Variants in RFTN1 observed in about 807,000 individuals in gnomAD.
RFTN1 encodes the protein raftlin.
Under a neutral mutation model 46.5 loss-of-function variants are expected in RFTN1, and 26 were observed. The ratio of observed to expected loss-of-function variants is 0.56; its 90% CI spans 0.41 to 0.78. The LOEUF (loss-of-function observed/expected upper bound fraction) is 0.78, where lower values mean the gene tolerates loss of function less well. Ranked by LOEUF, RFTN1 falls within the 30% of genes least tolerant of loss-of-function variation. The pLI, the probability that RFTN1 is intolerant of heterozygous loss-of-function variation, is 0.00. For missense variants in RFTN1, 693 were observed against 718.7 expected (o/e 0.96, Z 0.41); for synonymous variants, 261 against 284.2 (o/e 0.92, Z 0.82).
intron 2 of RFTN1, chr3:16,482,688 T>C (rs1172290977): frequency 7.8e-7 from 1 of 1,274,248 alleles, no homozygotes; most frequent in African/African-American, 1.5e-5. Context: ...CTGAGCACCA[T>C]GCATGCCACA....
At chr3:16,482,576 C>T (rs1487153875) in intron 2 of RFTN1, among the ~76,000 whole-genome samples, 1 of 152,216 alleles carries the variant, frequency 6.6e-6, no homozygotes, top group African/African-American at 2.4e-5. Flanking sequence ...CTGATTCTAG[C>T]TCATCACACA....
In RFTN1 at chr3:16,356,968, A is replaced by T. The variant is rs2072473808; in HGVS notation, c.1146+964T>A. 6.6e-6 allele frequency among the ~76,000 whole-genome samples: 1 copy of T among 152,118 alleles called. No homozygotes were observed. Among genetic ancestry groups the T allele is most frequent in the Non-Finnish European group, 1.5e-5 (1 of 68,010 alleles). On this transcript the variant is annotated intron_variant, in intron 7 of 9. Transcript: ENST00000334133. The surrounding 1 kb of genome is among the most constrained non-coding windows in gnomAD (Gnocchi z 4.9). ...TGTCTTTACTAAAAATACAAAAATT[A>T]GCTGGGTGTGGTGGCGGGTGCCTGT... is the stretch of plus-strand genomic sequence containing the variant.
Position 16,361,956 on chromosome 3 carries a change from C to T in RFTN1, c.1031-3909G>A, listed in dbSNP as rs1241136172. On this transcript the variant is annotated intron_variant, in intron 6 of 9. Transcript: ENST00000334133. The surrounding 1 kb of genome is among the most constrained non-coding windows in gnomAD (Gnocchi z 4.3). ...CTGCTCCAGCCAACCCCAAAATCTG[C>T]CAGAGTAAATTGTTACCATTGTAAG... Among the ~76,000 whole-genome samples the T allele has an allele frequency of 6.6e-6, 1 of 152,170 alleles. No individual in the cohort carries two copies. Among genetic ancestry groups the T allele is most frequent in the Non-Finnish European group, 1.5e-5 (1 of 68,040 alleles).
rs979641186 is a variant in RFTN1 at position 16,509,659 on chromosome 3, A to C, written c.-9+3783T>G. 2.6e-5 allele frequency among the ~76,000 whole-genome samples: 4 copies of C among 152,174 alleles called. No individual in the cohort carries two copies. Among genetic ancestry groups the C allele is most frequent in the African/African-American group, 9.7e-5 (4 of 41,430 alleles). On this transcript the variant is annotated intron_variant, in intron 1 of 9. Coordinates refer to ENST00000334133, the MANE Select transcript of RFTN1 (RefSeq NM_015150.2). This position sits in a 1 kb window ranked among gnomAD's most constrained non-coding sequence, Gnocchi z 4.9. The stretch of plus-strand genomic sequence containing the variant: ...AATTTTCCTAGGCCCAAACCCTTTG[A>C]ATGTGTTTTCCAAGCCATGGTAAAG...
In RFTN1 at chr3:16,384,472, G is replaced by T. The variant is rs2074098833; in HGVS notation, c.442-6370C>A. On this transcript the variant is annotated intron_variant, in intron 4 of 9. Coordinates refer to ENST00000334133, the MANE Select transcript of RFTN1 (RefSeq NM_015150.2). The surrounding 1 kb of genome is among the most constrained non-coding windows in gnomAD (Gnocchi z 4.7). Reference sequence around the variant, plus strand: ...ATCTGGTATCGATTCCAGGTCCTACGTGAGAGGCTGAAGTGTGGCAGGGAG... The same window carrying T: ...ATCTGGTATCGATTCCAGGTCCTACTTGAGAGGCTGAAGTGTGGCAGGGAG... Among the ~76,000 whole-genome samples the T allele has an allele frequency of 6.6e-6, 1 of 152,188 alleles. No homozygotes were observed. Among genetic ancestry groups the T allele is most frequent in the Non-Finnish European group, 1.5e-5 (1 of 68,036 alleles).
intron 5 of RFTN1, among the ~76,000 whole-genome samples, chr3:16,375,511 G>A (rs547126225): frequency 6.6e-6 from 1 of 152,160 alleles, no homozygotes; most frequent in Admixed American, 6.5e-5. Flanking sequence ...GAGGGTGACT[G>A]CCATCGTGAC....
rs11718891 is a variant in RFTN1, at chr3:16,429,932, C to A, written c.332+3919G>T. Among the ~76,000 whole-genome samples the A allele has an allele frequency of 0.07, 10,731 of 152,256 alleles. 495 individuals are homozygous for A. Among genetic ancestry groups the A allele is most frequent in the Middle Eastern group, 0.13 (39 of 294 alleles). On this transcript the variant is annotated intron_variant, in intron 3 of 9. Transcript: ENST00000334133. This position sits in a 1 kb window ranked among gnomAD's most constrained non-coding sequence, Gnocchi z 6.4. ...CTTGAAAAATATTAACCAAGTATTT[C>A]TTTCTCTTTTAAAAGCTAACTCATT...
chr3:16,496,558 G>A (rs925276883), intron 1 of RFTN1, among the ~76,000 whole-genome samples: 4 of 152,186 alleles, frequency 2.6e-5, no homozygotes, highest in African/African-American at 4.8e-5. Context: ...AGAATAGCTC[G>A]ACATTTTAAA....
intron 1 of RFTN1, among the ~76,000 whole-genome samples, chr3:16,510,146 T>C (rs1182304282): frequency 6.6e-6 from 1 of 152,142 alleles, no homozygotes; most frequent in Non-Finnish European, 1.5e-5. Flanking sequence ...AGAGGCCAGA[T>C]CACTTTCACA....
At chr3:16,389,879 C>T (rs989658988) in intron 4 of RFTN1, among the ~76,000 whole-genome samples, 6 of 152,328 alleles carry the variant, frequency 3.9e-5, no homozygotes, top group South Asian at 2.1e-4. Flanking sequence ...CTTATGTGAC[C>T]TCCAAGGTAT....
chr3:16,441,299 T>TAAAAAA (rs59877269), intron 2 of RFTN1, among the ~76,000 whole-genome samples: 69 of 47,392 alleles, frequency 1.5e-3, no homozygotes, highest in Non-Finnish European at 2.1e-3. Flanking sequence ...TTCCAAGAAC[T>TAAAAAA]AAAAAAAAAA....
intron 6 of RFTN1, among the ~76,000 whole-genome samples, chr3:16,362,110 T>C (rs1156702763): frequency 1.3e-5 from 2 of 152,156 alleles, no homozygotes; most frequent in Non-Finnish European, 2.9e-5. Flanking sequence ...TCCAGAATAA[T>C]AGGAAGGCCT....
intron 6 of RFTN1, among the ~76,000 whole-genome samples, chr3:16,367,399 A>G (rs1325419363): frequency 1.3e-5 from 2 of 152,208 alleles, no homozygotes; most frequent in African/African-American, 4.8e-5. Flanking sequence ...ACTCCCAGTC[A>G]TACTCTCCCT....
intron 4 of RFTN1, among the ~76,000 whole-genome samples, chr3:16,401,349 G>T (rs1250565856): frequency 1.3e-5 from 2 of 151,726 alleles, no homozygotes; most frequent in African/African-American, 4.8e-5. Context: ...AGACGGGGTG[G>T]GGATCTCAAA....
rs541720569 is a variant in RFTN1 at position 16,383,938 on chromosome 3, T to G, written c.442-5836A>C. Among the ~76,000 whole-genome samples, 1 of 152,356 alleles carries G rather than the reference T, an allele frequency of 6.6e-6. No homozygotes were observed. Among genetic ancestry groups the G allele is most frequent in the African/African-American group, 2.4e-5 (1 of 41,580 alleles). ...TTATGTCCACTTGACTGAACTATGG[T>G]GACCAATTGTTTGGTAAAACTCTAG... On this transcript the variant is annotated intron_variant, in intron 4 of 9. Coordinates refer to ENST00000334133, the MANE Select transcript of RFTN1 (RefSeq NM_015150.2). The surrounding 1 kb of genome is among the most constrained non-coding windows in gnomAD (Gnocchi z 4.0).
rs2075277134 is a variant in RFTN1, at chr3:16,425,726, GCAAA to G, written c.332+8121_332+8124del. ...ACGCTGGCATATGAGATTGAAAAGT[GCAAA>G]CAAATAATTAACGGTGAATCCTGAA... On this transcript the variant is annotated intron_variant, in intron 3 of 9. Coordinates refer to ENST00000334133, the MANE Select transcript of RFTN1 (RefSeq NM_015150.2). The surrounding 1 kb of genome is among the most constrained non-coding windows in gnomAD (Gnocchi z 4.3). Among the ~76,000 whole-genome samples the G allele has an allele frequency of 6.6e-6, 1 of 152,078 alleles. No individual in the cohort carries two copies. Among genetic ancestry groups the G allele is most frequent in the Non-Finnish European group, 1.5e-5 (1 of 68,032 alleles).
chr3:16,372,804 G>T (rs2073575725), intron 5 of RFTN1, among the ~76,000 whole-genome samples: 1 of 152,214 alleles, frequency 6.6e-6, no homozygotes, highest in Non-Finnish European at 1.5e-5. Context: ...ATCCTCCCCA[G>T]GGGGCCAGAC....
At chr3:16,456,162 C>T (rs1009991874) in intron 2 of RFTN1, among the ~76,000 whole-genome samples, 25 of 152,118 alleles carry the variant, frequency 1.6e-4, no homozygotes, top group South Asian at 8.3e-4. Context: ...CTTAAGACCT[C>T]GAAGCAGAGT....
intron 3 of RFTN1, among the ~76,000 whole-genome samples, chr3:16,420,882 TCTGGGTAGGC>T (rs2075170518): frequency 6.6e-6 from 1 of 152,250 alleles, no homozygotes; most frequent in South Asian, 2.1e-4. Context: ...ATTCGACAGG[TCTGGGTAGGC>T]CTGAGAGTCT....
Sources: gnomAD v4.1 joint callset for allele counts (sites outside exome capture counted in the v4.1 genomes callset) on GRCh38, gnomAD v4.1.1 for gene constraint, Gnocchi (gnomAD v3.1) non-coding constraint, MANE v1.5 for transcripts, NCBI Gene and HGNC (gene_info 2026-07-23, HGNC 2026-07-21) for gene names.